Variants in AGBL4 observed in about 807,000 individuals in gnomAD.
AGBL4 encodes cytosolic carboxypeptidase 6.
In AGBL4, 58 loss-of-function variants were observed where a neutral mutation model predicts 66.4. The observed-to-expected ratio is 0.87, with a 90% CI of 0.71 to 1.09. AGBL4 has a LOEUF of 1.09. Among genes scored for constraint, AGBL4 ranks in the 50% least tolerant of loss-of-function variants. AGBL4 has a pLI of 0.00. For synonymous variants in AGBL4, 234 were observed against 222.9 expected (o/e 1.05, Z -0.44); for missense variants, 579 against 631.0 (o/e 0.92, Z 0.88).
intron 6 of AGBL4, among the ~76,000 whole-genome samples, chr1:48,841,628 A>G (rs533159922): frequency 1.1e-3 from 173 of 152,030 alleles, no homozygotes; most frequent in African/African-American, 4.0e-3. Flanking sequence ...CAATAAATCT[A>G]CAGAACACTA....
chr1:49,313,120 C>G (rs758385998), intron 3 of AGBL4, among the ~76,000 whole-genome samples: 8 of 151,812 alleles, frequency 5.3e-5, no homozygotes, highest in African/African-American at 1.9e-4. Context: ...TGAGAACATG[C>G]GGTGTTTGGT....
intron 1 of AGBL4, among the ~76,000 whole-genome samples, chr1:49,919,104 T>C (rs1423412375): frequency 6.6e-6 from 1 of 152,182 alleles, no homozygotes; most frequent in Admixed American, 6.5e-5. Flanking sequence ...AAGAGCTATC[T>C]ATGACAAACC....
chr1:48,826,473 C>T (rs1270752598), intron 6 of AGBL4, among the ~76,000 whole-genome samples: 1 of 152,096 alleles, frequency 6.6e-6, no homozygotes, highest in Admixed American at 6.6e-5. Context: ...TCCTTTGCAC[C>T]CCACACCCAA....
At chr1:49,964,872 A>T (rs1472844666) in intron 1 of AGBL4, among the ~76,000 whole-genome samples, 1 of 152,184 alleles carries the variant, frequency 6.6e-6, no homozygotes, top group Non-Finnish European at 1.5e-5. Context: ...TTGATTTAGG[A>T]CATTAGATTA....
rs143109393 is a variant in AGBL4, at chr1:49,153,059, G to A, written c.377+92711C>T. 5.3e-5 allele frequency among the ~76,000 whole-genome samples: 8 copies of A among 152,208 alleles called. No individual in the cohort carries two copies. In the East Asian group the frequency reaches 1.6e-3, roughly 30 times the overall value. On this transcript the variant is annotated intron_variant, in intron 4 of 13. Transcript: ENST00000371839. ...GAAGGGAGGGAGGAGACTTGGATGAGACAATAGAGTCATAGGAGATTAAGG... is the reference window on the plus strand; with the variant it reads ...GAAGGGAGGGAGGAGACTTGGATGAAACAATAGAGTCATAGGAGATTAAGG...
intron 3 of AGBL4, among the ~76,000 whole-genome samples, chr1:49,368,533 C>G (rs2148548212): frequency 6.6e-6 from 1 of 152,062 alleles, no homozygotes; most frequent in South Asian, 2.1e-4. Context: ...AGTAACTTGT[C>G]AAAACCCACG....
At position 49,619,847 on chromosome 1, in the gene AGBL4, C is replaced by G. The variant is rs144377423; in HGVS notation, c.282+77466G>C. Among the ~76,000 whole-genome samples, 1,094 of 152,216 alleles carry G rather than the reference C, an allele frequency of 7.2e-3. 7 individuals are homozygous for G. Among genetic ancestry groups the G allele is most frequent in the Non-Finnish European group, 0.012 (820 of 68,020 alleles). On this transcript the variant is annotated intron_variant, in intron 3 of 13. Transcript: ENST00000371839. The stretch of plus-strand genomic sequence containing the variant: ...CTACAACCATCTGATCTGCGACAAA[C>G]CTGACAAAAACAAGCAATGGGGAAA...
At chr1:48,581,108 C>A (rs1338100782) in intron 11 of AGBL4, among the ~76,000 whole-genome samples, 1 of 152,196 alleles carries the variant, frequency 6.6e-6, no homozygotes, top group Non-Finnish European at 1.5e-5. Context: ...ACCTTTCTCC[C>A]TCCCCTCAAA....
chr1:49,560,204 G>A (rs181601039), intron 3 of AGBL4, among the ~76,000 whole-genome samples: 28 of 152,004 alleles, frequency 1.8e-4, no homozygotes, highest in Admixed American at 1.8e-3. Flanking sequence ...GATGTGTTGA[G>A]GAAACTCAAA....
intron 3 of AGBL4, among the ~76,000 whole-genome samples, chr1:49,644,605 T>C (rs1010617579): frequency 6.6e-6 from 1 of 151,548 alleles, no homozygotes; most frequent in Non-Finnish European, 1.5e-5. Flanking sequence ...AACAGAGTTT[T>C]GAAAATCCTG....
intron 2 of AGBL4, among the ~76,000 whole-genome samples, chr1:49,747,463 C>T (rs1651076795): frequency 6.6e-6 from 1 of 152,088 alleles, no homozygotes; most frequent in African/African-American, 2.4e-5. Flanking sequence ...ATAATAGTGC[C>T]TAATCCCACA....
intron 3 of AGBL4, among the ~76,000 whole-genome samples, chr1:49,487,066 A>G (rs767838516): frequency 6.6e-6 from 1 of 152,034 alleles, no homozygotes; most frequent in Non-Finnish European, 1.5e-5. Context: ...CAGAAAAATA[A>G]TTAAATGTTC....
At chr1:49,621,853 C>A (rs1482377739) in intron 3 of AGBL4, among the ~76,000 whole-genome samples, 1 of 152,162 alleles carries the variant, frequency 6.6e-6, no homozygotes, top group African/African-American at 2.4e-5. Flanking sequence ...CTTCTCCTGT[C>A]TCTGTTAGTA....
intron 5 of AGBL4, among the ~76,000 whole-genome samples, chr1:48,923,394 C>T (rs1229759818): frequency 6.6e-6 from 1 of 152,168 alleles, no homozygotes; most frequent in Non-Finnish European, 1.5e-5. Context: ...TCTGGCAGAG[C>T]TGCTGTTCTG....
At chr1:48,553,093 C>T (rs767592267) in intron 11 of AGBL4, among the ~76,000 whole-genome samples, 2 of 152,086 alleles carry the variant, frequency 1.3e-5, no homozygotes, top group Non-Finnish European at 2.9e-5. Flanking sequence ...CTATCACTTG[C>T]CTCATGGCTT....
intron 5 of AGBL4, among the ~76,000 whole-genome samples, chr1:48,984,156 G>A (rs1468309931): frequency 6.6e-6 from 1 of 151,974 alleles, no homozygotes; most frequent in Non-Finnish European, 1.5e-5. Flanking sequence ...AAAGCTCAGG[G>A]AAAGTTGCTA....
intron 1 of AGBL4, among the ~76,000 whole-genome samples, chr1:49,946,880 A>G (rs1174418105): frequency 6.6e-6 from 1 of 151,966 alleles, no homozygotes; most frequent in Non-Finnish European, 1.5e-5. Context: ...AGATATTACA[A>G]CTGACACGAT....
intron 9 of AGBL4, among the ~76,000 whole-genome samples, chr1:48,616,693 C>T (rs1297681432): frequency 6.6e-6 from 1 of 152,182 alleles, no homozygotes. Flanking sequence ...TGCTCTGTCC[C>T]TAGTAATTAC....
intron 2 of AGBL4, among the ~76,000 whole-genome samples, chr1:49,714,980 A>G (rs939704494): frequency 6.6e-6 from 1 of 151,954 alleles, no homozygotes; most frequent in African/African-American, 2.4e-5. Flanking sequence ...AATTTTTTCA[A>G]TTATACTTTA....
Sources: gnomAD v4.1 joint callset for allele counts (sites outside exome capture counted in the v4.1 genomes callset) on GRCh38, gnomAD v4.1.1 for gene constraint, MANE v1.5 for transcripts, NCBI Gene and HGNC (gene_info 2026-07-23, HGNC 2026-07-21) for gene names.